The following DIAPH3 variants were observed in gnomAD, a reference collection of about 807,000 sequenced individuals.
DIAPH3 encodes diaphanous related formin 3.
DIAPH3 carries 117 observed loss-of-function variants against 144.3 expected under a neutral mutation model. That is an observed-to-expected ratio of 0.81 (90% CI 0.70 to 0.95). DIAPH3 has a LOEUF of 0.95. Among genes scored for constraint, DIAPH3 ranks in the 40% least tolerant of loss-of-function variants. The probability of loss-of-function intolerance (pLI) is 0.00; values close to 1 mark genes in which losing one functional copy is unlikely to be tolerated. For synonymous variants in DIAPH3, 519 were observed against 488.9 expected (o/e 1.06, Z -0.81); for missense variants, 1,421 against 1,412.7 (o/e 1.01, Z -0.09).
At chr13:59,670,731 C>T (rs1005347655) in intron 27 of DIAPH3, among the ~76,000 whole-genome samples, 12 of 151,944 alleles carry the variant, frequency 7.9e-5, no homozygotes, top group Non-Finnish European at 1.5e-4. Context: ...TACAGGCGCC[C>T]GCCACCACGC....
chr13:60,078,917 A>G (rs1201338137), intron 4 of DIAPH3, among the ~76,000 whole-genome samples: 3 of 152,020 alleles, frequency 2.0e-5, no homozygotes, highest in Non-Finnish European at 2.9e-5. Flanking sequence ...CTAGATATAG[A>G]AAGAACTTAC....
chr13:60,077,140 C>T (rs1198231997), intron 4 of DIAPH3, among the ~76,000 whole-genome samples: 1 of 151,790 alleles, frequency 6.6e-6, no homozygotes, highest in Non-Finnish European at 1.5e-5. Flanking sequence ...GATTACTAAA[C>T]AAGTTATCTT....
At chr13:59,948,957 T>C (rs2048954599) in intron 17 of DIAPH3, among the ~76,000 whole-genome samples, 1 of 152,120 alleles carries the variant, frequency 6.6e-6, no homozygotes, top group Non-Finnish European at 1.5e-5. Flanking sequence ...TTATACATGA[T>C]TCATTAATCA....
At chr13:59,944,272 T>G (rs1257376938) in intron 17 of DIAPH3, among the ~76,000 whole-genome samples, 10 of 151,952 alleles carry the variant, frequency 6.6e-5, no homozygotes, top group African/African-American at 2.2e-4. Context: ...TCTCAGTAGA[T>G]GGACCAGGAA....
intron 27 of DIAPH3, among the ~76,000 whole-genome samples, chr13:59,764,837 C>T (rs1230814423): frequency 6.6e-6 from 1 of 152,048 alleles, no homozygotes; most frequent in Non-Finnish European, 1.5e-5. Context: ...AGACTTCTAG[C>T]CTCCAGAATT....
intron 11 of DIAPH3, among the ~76,000 whole-genome samples, chr13:59,991,751 A>C: frequency 6.6e-6 from 1 of 151,928 alleles, no homozygotes; most frequent in East Asian, 1.9e-4. Context: ...GCCAGTGACT[A>C]AGGCTGCCCT....
At chr13:59,867,751 T>C (rs983112592) in intron 21 of DIAPH3, among the ~76,000 whole-genome samples, 1 of 152,232 alleles carries the variant, frequency 6.6e-6, no homozygotes, top group Admixed American at 6.5e-5. Flanking sequence ...TGCCCCCTTT[T>C]TCCTGCAAAA....
intron 1 of DIAPH3, among the ~76,000 whole-genome samples, chr13:60,137,068 C>T (rs568094387): frequency 6.6e-6 from 1 of 152,274 alleles, no homozygotes; most frequent in African/African-American, 2.4e-5. Flanking sequence ...TCCTCTGGTC[C>T]TATGTTTCTC....
intron 15 of DIAPH3, among the ~76,000 whole-genome samples, chr13:59,971,517 T>C (rs971108772): frequency 4.6e-5 from 7 of 152,172 alleles, no homozygotes; most frequent in Non-Finnish European, 1.0e-4. Context: ...AGAAGTTCAC[T>C]CATAGTATGG....
chr13:59,945,776 G>T (rs1209251154), intron 17 of DIAPH3, among the ~76,000 whole-genome samples: 1 of 152,104 alleles, frequency 6.6e-6, no homozygotes, highest in Non-Finnish European at 1.5e-5. Flanking sequence ...GAGAACCAGG[G>T]TCAAGAGGTA....
intron 5 of DIAPH3, chr13:60,034,635 A>C (rs1312394110): frequency 6.6e-6 from 1 of 152,172 alleles, no homozygotes; most frequent in Non-Finnish European, 1.5e-5. Flanking sequence ...CACCATATTG[A>C]TGCTGAACTT....
intron 4 of DIAPH3, among the ~76,000 whole-genome samples, chr13:60,058,821 T>G (rs973627825): frequency 1.3e-5 from 2 of 151,984 alleles, no homozygotes; most frequent in Non-Finnish European, 2.9e-5. Context: ...AAATATTGCA[T>G]GTTCTCATTT....
At chr13:59,828,049 A>G (rs2041551539) in intron 24 of DIAPH3, among the ~76,000 whole-genome samples, 1 of 152,068 alleles carries the variant, frequency 6.6e-6, no homozygotes, top group Admixed American at 6.6e-5. Context: ...ATACAACACT[A>G]CATGAATAAA....
At chr13:60,147,592 C>T (rs528378597) in intron 1 of DIAPH3, among the ~76,000 whole-genome samples, 2 of 152,292 alleles carry the variant, frequency 1.3e-5, no homozygotes, top group African/African-American at 4.8e-5. Context: ...GCACAGAGGA[C>T]ACTGGAATGG....
At chr13:59,709,222 G>A (rs1314203898) in intron 27 of DIAPH3, among the ~76,000 whole-genome samples, 3 of 151,994 alleles carry the variant, frequency 2.0e-5, no homozygotes, top group Non-Finnish European at 4.4e-5. Context: ...TATTAAGTTG[G>A]TCTTTTTTCA....
chr13:59,947,492 T>C (rs888815236), intron 17 of DIAPH3, among the ~76,000 whole-genome samples: 1 of 152,154 alleles, frequency 6.6e-6, no homozygotes, highest in African/African-American at 2.4e-5. Flanking sequence ...TCAGACACGA[T>C]CTAAATTTGT....
At chr13:59,793,171 A>C (rs1216304708) in intron 25 of DIAPH3, among the ~76,000 whole-genome samples, 1 of 152,134 alleles carries the variant, frequency 6.6e-6, no homozygotes, top group Non-Finnish European at 1.5e-5. Context: ...TCCTCCTTTC[A>C]ATCTATCACA....
chr13:59,868,953 T>C lies in DIAPH3; in HGVS notation c.2608-7417A>G, dbSNP rs373703736. On this transcript the variant is annotated intron_variant, in intron 21 of 27. Transcript: ENST00000400324. ...TTCCAAATGAATATACCACAGTTTA[T>C]CCATTCACCTATTGAAGGACATATT... is the stretch of plus-strand genomic sequence containing the variant. Among the ~76,000 whole-genome samples, 11 of 152,344 alleles carry C rather than the reference T, an allele frequency of 7.2e-5. No individual in the cohort carries two copies. The South Asian group carries it at 1.4e-3, about 20-fold the overall frequency.
Position 59,916,203 on chromosome 13 carries a change from C to T in DIAPH3, c.2217G>A (p.Met739Ile). The T allele has an allele frequency of 1.9e-6, 3 of 1,613,306 alleles. No homozygotes were observed. The highest frequency in any genetic ancestry group is 2.5e-6 in the Non-Finnish European group (3 of 1,179,492). The part of the protein sequence containing the change: ...SFRVPYEEIR[M>I]MILEVDETRL... The stretch of plus-strand genomic sequence containing the variant: ...GTGTTTCATCTACTTCCAATATCAT[C>T]ATTCTGATTTCCTCATATGGCACCC... The change falls in exon 19 of 28, where the codon ATG (methionine) becomes ATA (isoleucine). Residue 739 changes from methionine to isoleucine, a missense_variant. By Grantham distance (10) the Met-to-Ile change is conservative (BLOSUM62 1). Coordinates refer to ENST00000400324, the MANE Select transcript of DIAPH3 (RefSeq NM_001042517.2).
Sources: allele counts gnomAD v4.1 joint callset (sites outside exome capture counted in the v4.1 genomes callset), GRCh38; gene constraint gnomAD v4.1.1; transcripts MANE v1.5; gene names NCBI Gene and HGNC (gene_info 2026-07-23, HGNC 2026-07-21).